The following ZNF451 variants were observed in gnomAD, a reference collection of about 807,000 sequenced individuals.
The protein encoded by ZNF451 is E3 SUMO-protein ligase ZNF451.
In ZNF451, 80 loss-of-function variants were observed where a neutral mutation model predicts 107.1. The observed-to-expected ratio is 0.75, with a 90% confidence interval of 0.62 to 0.90. The LOEUF (loss-of-function observed/expected upper bound fraction) is 0.90, where lower values mean the gene tolerates loss of function less well. Ranked by LOEUF, ZNF451 falls within the 40% of genes least tolerant of loss-of-function variation. The pLI, the probability that ZNF451 is intolerant of heterozygous loss-of-function variation, is 0.00. For missense variants in ZNF451, 1,107 were observed against 1,236.2 expected (o/e 0.90, Z 1.57); for synonymous variants, 362 against 406.5 (o/e 0.89, Z 1.32).
chr6:57,148,773 G>A, intron 10 of ZNF451, 80 bp downstream of exon 10: 2 of 1,356,250 alleles, frequency 1.5e-6, no homozygotes, highest in Non-Finnish European at 2.0e-6. Flanking sequence ...CAATTTTGAA[G>A]CAAGAAACAG....
At chr6:57,101,495 C>A (rs1353785695) in intron 3 of ZNF451, 7 of 1,550,922 alleles carry the variant, frequency 4.5e-6, no homozygotes, top group Non-Finnish European at 5.2e-6. Context: ...AGAGGAAACA[C>A]AACATCCCCT....
chr6:57,161,485 T>C, intron 14 of ZNF451, among the ~76,000 whole-genome samples: 1 of 149,734 alleles, frequency 6.7e-6, no homozygotes, highest in African/African-American at 2.5e-5. Flanking sequence ...GTAGAGCCCC[T>C]CCACCCCCGC....
chr6:57,096,331 C>T (rs1829310822), intron 2 of ZNF451, among the ~76,000 whole-genome samples: 1 of 150,860 alleles, frequency 6.6e-6, no homozygotes, highest in Non-Finnish European at 1.5e-5. Flanking sequence ...ATTAGAGGCG[C>T]CCACCACCAT....
intron 11 of ZNF451, chr6:57,151,310 T>A (rs1832335855): frequency 6.7e-6 from 1 of 149,282 alleles, no homozygotes; most frequent in Non-Finnish European, 1.5e-5. Context: ...AGGCGAAGCT[T>A]GCAGTGAGCT....
At position 57,103,000 on chromosome 6, in the gene ZNF451, G is replaced by T. The variant is rs2127941476; in HGVS notation, c.186+3859G>T. The T allele has an allele frequency of 3.0e-6, 3 of 985,376 alleles. No homozygotes were observed. The East Asian group carries it at 3.4e-4, about 112-fold the overall frequency. The allele number at this position is 985,376 out of a possible 1,614,324, so 61.0% of individuals were successfully genotyped here. A position where few individuals can be genotyped will look rare whatever the true frequency, so the allele number is the denominator to read the frequency against. ...GTAAGCTGGGCCTTTCACCAAGATG[G>T]CCTTCTTAAACAACCTACCTTCTAA... is the stretch of plus-strand genomic sequence containing the variant. On this transcript the variant is annotated intron_variant, in intron 3 of 14. Coordinates refer to ENST00000370706, the MANE Select transcript of ZNF451 (RefSeq NM_001031623.3).
intron 14 of ZNF451, among the ~76,000 whole-genome samples, chr6:57,167,172 CGT>C (rs1491158073): frequency 2.7e-4 from 41 of 150,512 alleles, no homozygotes; most frequent in African/African-American, 1.0e-3. Context: ...GTTGTGATTT[CGT>C]ATATATATAC....
intron 11 of ZNF451, chr6:57,151,127 T>C (rs766242021): frequency 3.2e-5 from 9 of 284,284 alleles, no homozygotes; most frequent in Non-Finnish European, 5.2e-5. Context: ...TTTGGAAGGC[T>C]GAGGCGGACG....
intron 10 of ZNF451, 27 bp from the exon 11 acceptor site, chr6:57,150,692 C>A (rs761159734): frequency 1.7e-5 from 27 of 1,570,112 alleles, no homozygotes; most frequent in Non-Finnish European, 2.3e-5. Context: ...TCTTACTGAA[C>A]TCATGTTGAT....
chr6:57,147,395 G>C lies in ZNF451; in HGVS notation c.1310G>C (p.Ser437Thr), dbSNP rs1420051238. 2.5e-6 allele frequency: 4 copies of C among 1,613,922 alleles called. No homozygotes were observed. Among genetic ancestry groups the C allele is most frequent in the Admixed American group, 1.7e-5 (1 of 59,986 alleles). Residue 437 changes from serine (S) to threonine (T), a missense_variant, in exon 10 of 15, where the codon AGC (serine) becomes ACC (threonine). Physicochemically the swap from Ser to Thr is moderately conservative, Grantham distance 58. This residue lies in a region of ZNF451 where 608 missense variants were observed against 649.2 expected (regional missense o/e 0.94). Transcript: ENST00000370706. Reference protein sequence around the residue: ...LKRTMSIKESSSLECIAIPKK... With the variant: ...LKRTMSIKESTSLECIAIPKK... ...AGAACCATGTCTATTAAAGAATCTA[G>C]CTCACTGGAGTGCATTGCCATTCCA...
intron 14 of ZNF451, chr6:57,165,253 A>G (rs1292035474): frequency 6.6e-6 from 1 of 151,888 alleles, no homozygotes; most frequent in Admixed American, 6.6e-5. Flanking sequence ...GGATATGTAG[A>G]TTCACCTCTT....
At chr6:57,140,432 T>C (rs886677910) in intron 7 of ZNF451, among the ~76,000 whole-genome samples, 4 of 151,848 alleles carry the variant, frequency 2.6e-5, no homozygotes, top group African/African-American at 9.7e-5. Context: ...CTGACAAAAA[T>C]GAAAAAAATC....
Position 57,134,814 on chromosome 6 carries a change from G to T in ZNF451, c.646G>T (p.Val216Leu), listed in dbSNP as rs749637191. The change falls in exon 7 of 15, where the codon GTA (valine) becomes TTA (leucine). Residue 216 changes from valine to leucine, a missense_variant. Physicochemically the swap from Val to Leu is conservative, Grantham distance 32. This residue lies in a region of ZNF451 where 339 missense variants were observed against 372.8 expected (regional missense o/e 0.91). Coordinates refer to ENST00000370706, the MANE Select transcript of ZNF451 (RefSeq NM_001031623.3). ...GPFFSSFACV[V>L]CYKKFVTQQQ... The stretch of plus-strand genomic sequence containing the variant: ...TTTCTTCAGCTCCTTTGCTTGTGTA[G>T]TATGTTATAAAAAATTTGTTACTCA... The T allele has an allele frequency of 3.7e-6, 6 of 1,612,102 alleles. No individual in the cohort carries two copies. The South Asian group carries it at 6.6e-5, about 18-fold the overall frequency.
chr6:57,092,392 A>C (rs1414894264), intron 2 of ZNF451, among the ~76,000 whole-genome samples: 1 of 152,210 alleles, frequency 6.6e-6, no homozygotes, highest in South Asian at 2.1e-4. Flanking sequence ...AGAATGTACA[A>C]TCATTGAATA....
Position 57,101,902 on chromosome 6 carries a change from G to T in ZNF451, c.186+2761G>T. 3 of 1,550,418 alleles carry T rather than the reference G, an allele frequency of 1.9e-6. No homozygotes were observed. The African/African-American group carries it at 4.1e-5, about 21-fold the overall frequency. On this transcript the variant is annotated intron_variant, in intron 3 of 14. Transcript: ENST00000370706. Reference sequence around the variant, plus strand: ...AGATGTGAAAGCTGTTGTTGCAGAAGACAACAATATAAAAGAAAATGACTA... The same window carrying T: ...AGATGTGAAAGCTGTTGTTGCAGAATACAACAATATAAAAGAAAATGACTA...
At position 57,148,167 on chromosome 6, in the gene ZNF451, TG is replaced by T. The variant is rs753428262; in HGVS notation, c.2083del (p.Val695TyrfsTer19). Reference protein sequence around the residue: ...HYEEHHSIDYVFVSEKTETSI... With the variant: ...HYEEHHSIDYXFVSEKTETSI... ...ATGAGGAGCACCACAGCATAGATTA[TG>T]TATTTGTGTCAGAAAAAACTGAAAC... On this transcript the variant is annotated frameshift_variant, in exon 10 of 15. Coordinates refer to ENST00000370706, the MANE Select transcript of ZNF451 (RefSeq NM_001031623.3). LOFTEE classifies it high-confidence loss of function. 6.2e-7 allele frequency: 1 copy of T among 1,614,096 alleles called. No homozygotes were observed. Among genetic ancestry groups the T allele is most frequent in the Admixed American group, 1.7e-5 (1 of 60,016 alleles).
chr6:57,133,196 A>T lies in ZNF451; in HGVS notation c.575+4A>T, dbSNP rs1216573242. 1 of 1,613,068 alleles carries T rather than the reference A, an allele frequency of 6.2e-7. No homozygotes were observed. The highest frequency in any genetic ancestry group is 2.2e-5 in the East Asian group (1 of 44,844). On this transcript the variant is annotated splice_donor_region_variant and intron_variant, in intron 6 of 14. Coordinates refer to ENST00000370706, the MANE Select transcript of ZNF451 (RefSeq NM_001031623.3). ...TTCTCTTAGGACATTTGAAAAGGTA[A>T]GTAGGATATTCATAATAGTGAATGC...
intron 3 of ZNF451, chr6:57,101,630 A>G (rs1829603067): frequency 6.4e-7 from 1 of 1,550,786 alleles, no homozygotes; most frequent in African/African-American, 1.4e-5. Context: ...CTCTGGGAAG[A>G]CATGGAAGAT....
intron 2 of ZNF451, among the ~76,000 whole-genome samples, chr6:57,093,738 G>A (rs981498570): frequency 6.6e-5 from 10 of 152,244 alleles, no homozygotes; most frequent in African/African-American, 2.4e-4. Context: ...GGCATTTTGA[G>A]TAGAAGAAAC....
chr6:57,138,729 A>ATGTGTG (rs1168633668), intron 7 of ZNF451, among the ~76,000 whole-genome samples: 83 of 113,904 alleles, frequency 7.3e-4, no homozygotes, highest in African/African-American at 8.5e-4. Flanking sequence ...ATATATATAT[A>ATGTGTG]TATATATATA....
Sources: gnomAD v4.1 joint callset for allele counts (sites outside exome capture counted in the v4.1 genomes callset) on GRCh38, gnomAD v4.1.1 for gene constraint, gnomAD v4.1.1 regional missense constraint, MANE v1.5 for transcripts, NCBI Gene and HGNC (gene_info 2026-07-23, HGNC 2026-07-21) for gene names.